Variants in CDC42BPB observed in about 807,000 individuals in gnomAD.
The protein encoded by CDC42BPB is CDC42 binding protein kinase beta, also known as serine/threonine-protein kinase MRCK beta.
A neutral mutation model predicts 214.9 loss-of-function variants in CDC42BPB; 37 were observed. The observed-to-expected ratio is 0.17, with a 90% confidence interval of 0.13 to 0.23. CDC42BPB has a LOEUF of 0.23. CDC42BPB is among the 10% of genes least tolerant of loss of function. CDC42BPB has a pLI of 1.00. For synonymous variants in CDC42BPB, 931 were observed against 884.0 expected (o/e 1.05, Z -0.94); for missense variants, 1,694 against 2,227.0 (o/e 0.76, Z 4.82).
chr14:102,977,071 G>C (rs1893779251), intron 9 of CDC42BPB, among the ~76,000 whole-genome samples: 1 of 152,166 alleles, frequency 6.6e-6, no homozygotes, highest in Non-Finnish European at 1.5e-5. Flanking sequence ...GCCGGGCGCG[G>C]TGGCTCACGC....
intron 1 of CDC42BPB, among the ~76,000 whole-genome samples, chr14:103,053,079 G>C (rs747330666): frequency 4.6e-5 from 7 of 152,194 alleles, no homozygotes; most frequent in Non-Finnish European, 8.8e-5. Context: ...GCCAGGCGTG[G>C]TGGCTCACGC....
intron 26 of CDC42BPB, chr14:102,948,025 G>A (rs901105580): frequency 3.4e-5 from 32 of 946,478 alleles, no homozygotes; most frequent in South Asian, 4.9e-5. Flanking sequence ...GGGAAACCCC[G>A]GAGCCTCATC....
At chr14:102,993,335 C>T (rs1278712377) in intron 5 of CDC42BPB, among the ~76,000 whole-genome samples, 3 of 152,274 alleles carry the variant, frequency 2.0e-5, no homozygotes, top group African/African-American at 4.8e-5. Context: ...GCTGTGTGCA[C>T]AGGGCATGCC....
intron 1 of CDC42BPB, among the ~76,000 whole-genome samples, chr14:103,019,264 CG>C (rs1202342377): frequency 1.3e-5 from 2 of 152,198 alleles, no homozygotes; most frequent in African/African-American, 4.8e-5. Context: ...CCTAGAGACA[CG>C]GCCGCCCTGC....
At position 102,970,141 on chromosome 14, in the gene CDC42BPB, C is replaced by G; in HGVS notation, c.1995+10G>C. ...CTCAGTTAAGGGCAGAGACCCCCGC[C>G]CAGCACTACCTTGAGGGCCTCCAGC... On this transcript the variant is annotated intron_variant, in intron 14 of 36. Transcript: ENST00000361246. 6.2e-7 allele frequency: 1 copy of G among 1,607,524 alleles called. No individual in the cohort carries two copies. Among genetic ancestry groups the G allele is most frequent in the Non-Finnish European group, 8.5e-7 (1 of 1,175,792 alleles).
Position 102,944,389 on chromosome 14 carries a change from G to A in CDC42BPB, c.3910C>T (p.His1304Tyr), listed in dbSNP as rs1364251429. The change falls in exon 30 of 37, where the codon CAC (histidine) becomes TAC (tyrosine). Residue 1304 changes from histidine to tyrosine, a missense_variant. His to Tyr is a moderately conservative substitution (Grantham distance 83). Transcript: ENST00000361246. This position sits in a 1 kb window ranked among gnomAD's most constrained non-coding sequence, Gnocchi z 6.6. ...TCAAGGGACGACCACGGATAGAGGT[G>A]CACATGGTGGTTCCGGCCACAGAGG... ...ILLCGRNHHV[H>Y]LYPWSSLDGA... is the part of the protein sequence containing the mutation. 3.1e-6 allele frequency: 5 copies of A among 1,613,032 alleles called. No homozygotes were observed. The highest frequency in any genetic ancestry group is 1.3e-5 in the African/African-American group (1 of 74,944).
At chr14:102,985,034 G>A (rs1894174079) in intron 6 of CDC42BPB, among the ~76,000 whole-genome samples, 1 of 151,892 alleles carries the variant, frequency 6.6e-6, no homozygotes, top group African/African-American at 2.4e-5. Context: ...AACCATGACG[G>A]GGTGGTGTGG....
intron 5 of CDC42BPB, among the ~76,000 whole-genome samples, chr14:102,987,175 G>A (rs1166838183): frequency 6.6e-6 from 1 of 152,160 alleles, no homozygotes; most frequent in Non-Finnish European, 1.5e-5. Flanking sequence ...CCCCAAAACT[G>A]CACTTTATAG....
rs200267205 is a variant in CDC42BPB, at chr14:103,043,678, CA to C, written c.175+13320del. ...GACTTGAATCTCGATAAAGCTGTTA[CA>C]AAAAAAAAAAGGAAAAAAATTATCT... On this transcript the variant is annotated intron_variant, in intron 1 of 36. Coordinates refer to ENST00000361246, the MANE Select transcript of CDC42BPB (RefSeq NM_006035.4). Among the ~76,000 whole-genome samples, 401 of 133,208 alleles carry C rather than the reference CA, an allele frequency of 3.0e-3. 2 individuals are homozygous for C. The highest frequency in any genetic ancestry group is 0.029 in the East Asian group (138 of 4,720). The allele number at this position is 133,208 out of a possible 152,430, so 87.4% of individuals were successfully genotyped here. A position where few individuals can be genotyped will look rare whatever the true frequency, so the allele number is the denominator to read the frequency against.
At chr14:103,056,959 T>A (rs928752715) in intron 1 of CDC42BPB, 40 bp downstream of exon 1, 11 of 1,292,366 alleles carry the variant, frequency 8.5e-6, no homozygotes, top group Non-Finnish European at 1.1e-5. Flanking sequence ...GGCGCGGGGG[T>A]CGCAGAGCCG....
At chr14:103,015,540 G>A (rs1320578162) in intron 1 of CDC42BPB, among the ~76,000 whole-genome samples, 2 of 152,162 alleles carry the variant, frequency 1.3e-5, no homozygotes, top group African/African-American at 4.8e-5. Context: ...AACTAGAAAG[G>A]AAAGCCGCAT....
intron 21 of CDC42BPB, among the ~76,000 whole-genome samples, chr14:102,958,843 A>AT (rs1192774628): frequency 3.3e-4 from 49 of 146,988 alleles, no homozygotes; most frequent in South Asian, 6.5e-4. Context: ...CTAGTGTGGG[A>AT]TTTTTTTTTT....
chr14:102,986,660 C>T (rs529547967), intron 5 of CDC42BPB, 80 bp from the exon 6 acceptor site: 2 of 1,546,748 alleles, frequency 1.3e-6, no homozygotes, highest in African/African-American at 2.7e-5. Context: ...TAGTGGTGAT[C>T]AGATGAATAA....
chr14:102,967,258 T>G (rs1398871193), intron 16 of CDC42BPB, 88 bp from the exon 17 acceptor site: 2 of 1,480,642 alleles, frequency 1.4e-6, no homozygotes, highest in Non-Finnish European at 1.8e-6. Context: ...TTTTGAAGAC[T>G]CTGAAAGTTT....
chr14:102,982,330 G>T (rs1183129191), intron 7 of CDC42BPB, among the ~76,000 whole-genome samples: 1 of 152,216 alleles, frequency 6.6e-6, no homozygotes. Flanking sequence ...TCTGCTCCCT[G>T]TGAGAGCGAA....
chr14:103,057,475 T>TA lies in CDC42BPB; in HGVS notation c.-303_-302insT. ...CTCAGCCCCGCCCGCGGCCGCGCCC[T>TA]CCCCGCCGCCGCCGCCGCAGACTAG... On this transcript the variant is annotated 5_prime_UTR_variant, in exon 1 of 37. Transcript: ENST00000361246. The TA allele has an allele frequency of 4.5e-6, 1 of 222,834 alleles. No individual in the cohort carries two copies. Among genetic ancestry groups the TA allele is most frequent in the Non-Finnish European group, 7.3e-6 (1 of 137,746 alleles). The allele number at this position is 222,834 out of a possible 1,614,324, so 13.8% of individuals were successfully genotyped here.
chr14:102,985,551 G>C (rs139236848), intron 6 of CDC42BPB, among the ~76,000 whole-genome samples: 1 of 152,204 alleles, frequency 6.6e-6, no homozygotes, highest in African/African-American at 2.4e-5. Flanking sequence ...TCAATATGTG[G>C]TCAAGACTAT....
At chr14:103,005,743 T>C (rs748641661) in intron 3 of CDC42BPB, among the ~76,000 whole-genome samples, 1 of 152,058 alleles carries the variant, frequency 6.6e-6, no homozygotes, top group Non-Finnish European at 1.5e-5. Flanking sequence ...AATGGTTGGC[T>C]GCACACGGTG....
chr14:102,976,472 C>T (rs554230925), intron 9 of CDC42BPB, among the ~76,000 whole-genome samples: 3 of 152,252 alleles, frequency 2.0e-5, no homozygotes, highest in African/African-American at 7.2e-5. Context: ...TCTTTCAACT[C>T]TTCTTCCCCT....
Sources: allele counts gnomAD v4.1 joint callset (sites outside exome capture counted in the v4.1 genomes callset), GRCh38; gene constraint gnomAD v4.1.1; non-coding constraint Gnocchi (gnomAD v3.1); transcripts MANE v1.5; gene names NCBI Gene and HGNC (gene_info 2026-07-23, HGNC 2026-07-21).